ZNF567: variants seen among roughly 807,000 people sequenced by gnomAD.
The protein encoded by ZNF567 is zinc finger protein 567.
In ZNF567, 36 loss-of-function variants were observed where a neutral mutation model predicts 53.9. The observed-to-expected ratio is 0.67, with a 90% confidence interval of 0.51 to 0.88. The LOEUF is 0.88. Among genes scored for constraint, ZNF567 ranks in the 40% least tolerant of loss-of-function variants. The pLI is 0.00. For missense variants in ZNF567, 619 were observed against 764.7 expected (o/e 0.81, Z 2.25); for synonymous variants, 224 against 260.4 (o/e 0.86, Z 1.35).
chr19:36,723,784 A>G (rs1481787198), downstream of ZNF567, among the ~76,000 whole-genome samples: 1 of 152,172 alleles, frequency 6.6e-6, no homozygotes, highest in East Asian at 1.9e-4. Flanking sequence ...CAGTGAGCCA[A>G]GATGATGCCA....
Position 36,694,883 on chromosome 19 carries a change from C to T in ZNF567, c.9+7C>T, listed in dbSNP as rs1417317358. ...TCTCAAAACCATGGCTCAGGTAAGG[C>T]GATGGTTTCTCTCTCCTTTCTGAAA... On this transcript the variant is annotated splice_region_variant and intron_variant, in intron 3 of 5. Coordinates refer to ENST00000682579, the MANE Select transcript of ZNF567 (RefSeq NM_001322917.1). 2.4e-5 allele frequency: 36 copies of T among 1,507,612 alleles called. No homozygotes were observed. The East Asian group carries it at 2.5e-4, about 10-fold the overall frequency. The allele number at this position is 1,507,612 out of a possible 1,614,324, so 93.4% of individuals were successfully genotyped here. A position where few individuals can be genotyped will look rare whatever the true frequency, so the allele number is the denominator to read the frequency against.
the ZNF567 span, among the ~76,000 whole-genome samples, chr19:36,671,962 C>T: frequency 6.6e-6 from 1 of 152,258 alleles, no homozygotes; most frequent in African/African-American, 2.4e-5. Flanking sequence ...CGTCCCCCCT[C>T]TTGCTACAAT....
At chr19:36,693,235 G>A (rs1473799137) in intron 2 of ZNF567, among the ~76,000 whole-genome samples, 1 of 152,138 alleles carries the variant, frequency 6.6e-6, no homozygotes, top group Non-Finnish European at 1.5e-5. Flanking sequence ...GCTGCAATGA[G>A]CGGTGATAGG....
Position 36,705,121 on chromosome 19 carries a change from T to C in ZNF567, c.10-7265T>C, listed in dbSNP as rs1253839824. Among the ~76,000 whole-genome samples, 3 of 152,302 alleles carry C rather than the reference T, an allele frequency of 2.0e-5. No homozygotes were observed. The East Asian group carries it at 5.8e-4, about 29-fold the overall frequency. On this transcript the variant is annotated intron_variant, in intron 3 of 5. Transcript: ENST00000682579. ...TTCTTTGGCTACAGGTATATCAATG[T>C]AGTTGATCTTTTCAAAGTACCACAG...
downstream of ZNF567, among the ~76,000 whole-genome samples, chr19:36,724,700 T>G (rs1359211651): frequency 1.2e-5 from 1 of 85,570 alleles, no homozygotes; most frequent in Non-Finnish European, 2.5e-5. Flanking sequence ...AAAAAAAAAT[T>G]AGCTGAGCTT....
chr19:36,715,503 A>ATTATTATT (rs1568711424), intron 5 of ZNF567, among the ~76,000 whole-genome samples: 3 of 30,804 alleles, frequency 9.7e-5, no homozygotes, highest in South Asian at 9.7e-4. Context: ...TAATAATAAT[A>ATTATTATT]ATAATAATTA....
At chr19:36,723,893 C>T (rs1255055910), downstream of ZNF567, among the ~76,000 whole-genome samples, 3 of 151,556 alleles carry the variant, frequency 2.0e-5, no homozygotes, top group Admixed American at 2.0e-4. Flanking sequence ...TATTGGGCAT[C>T]TTTCCATAAT....
intron 2 of ZNF567, among the ~76,000 whole-genome samples, chr19:36,691,948 T>A (rs1430565979): frequency 6.6e-6 from 1 of 152,188 alleles, no homozygotes; most frequent in Non-Finnish European, 1.5e-5. Flanking sequence ...TTCAGTTGCA[T>A]GTTGCAATTC....
chr19:36,670,433 A>G, the ZNF567 span, among the ~76,000 whole-genome samples: 2 of 152,114 alleles, frequency 1.3e-5, no homozygotes, highest in African/African-American at 4.8e-5. Context: ...TATTTACAAA[A>G]TAATAGTAAT....
intron 3 of ZNF567, 99 bp from the exon 4 acceptor site, chr19:36,712,287 A>T (rs2039830103): frequency 7.9e-7 from 1 of 1,270,792 alleles, no homozygotes; most frequent in South Asian, 1.4e-5. Flanking sequence ...ACCTCAAGTG[A>T]TCCACCTACC....
intron 2 of ZNF567, among the ~76,000 whole-genome samples, chr19:36,693,149 T>C (rs2038708274): frequency 6.6e-6 from 1 of 151,770 alleles, no homozygotes; most frequent in African/African-American, 2.4e-5. Context: ...TTAGCCGGTC[T>C]TGATGGCATG....
chr19:36,691,584 T>A (rs1340867590), intron 2 of ZNF567, among the ~76,000 whole-genome samples: 1 of 152,238 alleles, frequency 6.6e-6, no homozygotes, highest in Non-Finnish European at 1.5e-5. Context: ...TGGATTTTTT[T>A]AAACTCATGT....
At chr19:36,692,286 T>C (rs1217644314) in intron 2 of ZNF567, among the ~76,000 whole-genome samples, 1 of 152,196 alleles carries the variant, frequency 6.6e-6, no homozygotes, top group Non-Finnish European at 1.5e-5. Context: ...TGTGATAAAA[T>C]GGTAAAAACA....
At chr19:36,723,118 A>G, downstream of ZNF567, 2 of 702,238 alleles carry the variant, frequency 2.8e-6, no homozygotes, top group Non-Finnish European at 5.2e-6. Flanking sequence ...ATACTAGTAT[A>G]TGCTAACAGT....
At chr19:36,699,660 A>G in intron 3 of ZNF567, among the ~76,000 whole-genome samples, 1 of 152,124 alleles carries the variant, frequency 6.6e-6, no homozygotes, top group Admixed American at 6.6e-5. Flanking sequence ...TTGGATTCCT[A>G]AGTATTTTAT....
At chr19:36,726,675 A>C (rs2040336010), downstream of ZNF567, among the ~76,000 whole-genome samples, 1 of 152,246 alleles carries the variant, frequency 6.6e-6, no homozygotes, top group African/African-American at 2.4e-5. Context: ...ATAGTAGTGA[A>C]GATCCTGACT....
chr19:36,673,062 TTTATA>T, the ZNF567 span, among the ~76,000 whole-genome samples: 1 of 151,112 alleles, frequency 6.6e-6, no homozygotes, highest in Non-Finnish European at 1.5e-5. Context: ...ATATACTGAC[TTTATA>T]TTAGAGTATT....
At chr19:36,679,043 T>C in the ZNF567 span, among the ~76,000 whole-genome samples, 1 of 150,864 alleles carries the variant, frequency 6.6e-6, no homozygotes, top group South Asian at 2.1e-4. Flanking sequence ...TCCCAGCACT[T>C]TGGGAGGCCG....
chr19:36,726,982 T>TTTCTTTCTTTCTTTCTTTC (rs2040337162), downstream of ZNF567: 4 of 55,388 alleles, frequency 7.2e-5, no homozygotes, highest in Admixed American at 2.1e-4. Flanking sequence ...CTTTCTTTCT[T>TTTCTTTCTTTCTTTCTTTC]TTTCTTTCTT....
Sources: gnomAD v4.1 joint callset for allele counts (sites outside exome capture counted in the v4.1 genomes callset) on GRCh38, gnomAD v4.1.1 for gene constraint, MANE v1.5 for transcripts, NCBI Gene and HGNC (gene_info 2026-07-23, HGNC 2026-07-21) for gene names.